The following BTG4 variants were observed in gnomAD, a reference collection of about 807,000 sequenced individuals.
BTG4 encodes the protein protein BTG4.
In BTG4, 10 loss-of-function variants were observed where a neutral mutation model predicts 19.3. That is an observed-to-expected ratio of 0.52 (90% CI 0.32 to 0.88). The LOEUF is 0.88. BTG4 is among the 40% of genes least tolerant of loss of function. BTG4 has a pLI of 0.04. For synonymous variants in BTG4, 91 were observed against 95.7 expected, an observed-to-expected ratio of 0.95 and a Z score of 0.29; for missense variants, 238 against 281.9, an observed-to-expected ratio of 0.84 and a Z score of 1.11.
rs1232973980 is a variant in BTG4, at chr11:111,497,995, C to T, written c.311+3G>A. ...ACAGCACACAAACTATGAGATTACT[C>T]ACCTACAGCATACTTCAAAGGGATC... On this transcript the variant is annotated splice_donor_region_variant and intron_variant, in intron 3 of 4. Coordinates refer to ENST00000692032, the MANE Select transcript of BTG4 (RefSeq NM_001367975.1). 1 of 1,613,242 alleles carries T rather than the reference C, an allele frequency of 6.2e-7. No homozygotes were observed. Among genetic ancestry groups the T allele is most frequent in the African/African-American group, 1.3e-5 (1 of 74,886 alleles).
the BTG4 span, chr11:111,416,249 T>C: frequency 6.6e-6 from 1 of 152,014 alleles, no homozygotes; most frequent in East Asian, 1.9e-4. Context: ...TTTCAGGGCC[T>C]TCATCAGTTC....
At chr11:111,508,206 C>T (rs1369484611) in intron 1 of BTG4, among the ~76,000 whole-genome samples, 1 of 152,212 alleles carries the variant, frequency 6.6e-6, no homozygotes, top group Non-Finnish European at 1.5e-5. Context: ...ATATTTTCTA[C>T]ATCACCTCGT....
chr11:111,424,030 A>G, the BTG4 span, among the ~76,000 whole-genome samples: 1 of 152,316 alleles, frequency 6.6e-6, no homozygotes. Context: ...CAGAAGCCTC[A>G]TGGAGGAGCA....
At chr11:111,442,538 ACACACACC>A in the BTG4 span, among the ~76,000 whole-genome samples, 40 of 151,112 alleles carry the variant, frequency 2.6e-4, no homozygotes, top group African/African-American at 6.8e-4. Context: ...ACACACACAC[ACACACACC>A]AGATGAGCCT....
chr11:111,432,505 A>C, the BTG4 span, among the ~76,000 whole-genome samples: 1 of 152,122 alleles, frequency 6.6e-6, no homozygotes, highest in African/African-American at 2.4e-5. Flanking sequence ...TTAGCTGGGC[A>C]TGGTGGTGGG....
intron 5 of BTG4, among the ~76,000 whole-genome samples, chr11:111,486,789 C>T (rs1865089237): frequency 6.6e-6 from 1 of 151,996 alleles, no homozygotes; most frequent in Non-Finnish European, 1.5e-5. Context: ...AAGACAAAAC[C>T]ACATGCTTTT....
intron 5 of BTG4, among the ~76,000 whole-genome samples, chr11:111,470,661 AAT>A (rs1864005019): frequency 6.6e-6 from 1 of 152,188 alleles, no homozygotes; most frequent in Non-Finnish European, 1.5e-5. Context: ...TTACACCTGT[AAT>A]CTCTGCACTT....
the BTG4 span, among the ~76,000 whole-genome samples, chr11:111,384,316 TA>T: frequency 7.6e-4 from 111 of 146,804 alleles, no homozygotes; most frequent in African/African-American, 1.3e-3. Context: ...TTCCTAAAAT[TA>T]AAAAAAAAAG....
the BTG4 span, chr11:111,414,945 G>A: frequency 1.3e-5 from 2 of 152,240 alleles, no homozygotes; most frequent in African/African-American, 4.8e-5. Flanking sequence ...AAATTTGCAG[G>A]TCTTTGGGGA....
At chr11:111,497,538 A>T in intron 3 of BTG4, 129 bp from the exon 4 acceptor site, 2 of 513,704 alleles carry the variant, frequency 3.9e-6, no homozygotes, top group Non-Finnish European at 6.4e-6. Flanking sequence ...GGACATTATG[A>T]CCTTCACCTA....
intron 1 of BTG4, among the ~76,000 whole-genome samples, chr11:111,509,654 T>C (rs1361356314): frequency 3.3e-5 from 5 of 151,494 alleles, no homozygotes; most frequent in Non-Finnish European, 7.4e-5. Flanking sequence ...CAAGATCACG[T>C]CACTGCACTC....
the BTG4 span, among the ~76,000 whole-genome samples, chr11:111,441,289 G>A: frequency 1.3e-5 from 2 of 151,988 alleles, no homozygotes; most frequent in African/African-American, 4.8e-5. Context: ...TGGGGAGTAG[G>A]GGAGAGAACA....
chr11:111,497,215 T>C lies in BTG4; in HGVS notation c.506A>G (p.Tyr169Cys). 6.2e-7 allele frequency: 1 copy of C among 1,613,048 alleles called. No individual in the cohort carries two copies. Among genetic ancestry groups the C allele is most frequent in the Non-Finnish European group, 8.5e-7 (1 of 1,179,332 alleles). ...IPKVSNPKSI[Y>C]QVENLKQPFQ... ...AAGAACTGGAACACTCTTGACCTGA[T>C]AAATACTCTTCGGATTGCTGACTTT... is the stretch of plus-strand genomic sequence containing the variant. Residue 169 changes from tyrosine to cysteine, a missense_variant, in exon 4 of 5, where the codon TAT becomes TGT. Coordinates refer to ENST00000692032, the MANE Select transcript of BTG4 (RefSeq NM_001367975.1).
At chr11:111,451,221 G>A in the BTG4 span, 9 of 302,326 alleles carry the variant, frequency 3.0e-5, no homozygotes, top group Non-Finnish European at 6.3e-5. Flanking sequence ...CAAAGGCAAC[G>A]TATTCCCTCC....
At chr11:111,398,787 GT>G in the BTG4 span, among the ~76,000 whole-genome samples, 37 of 144,524 alleles carry the variant, frequency 2.6e-4, no homozygotes, top group Non-Finnish European at 1.8e-4. Flanking sequence ...TTTTGTTTTT[GT>G]TTTTTTTTTT....
the BTG4 span, among the ~76,000 whole-genome samples, chr11:111,391,841 G>C: frequency 1.3e-5 from 2 of 152,146 alleles, no homozygotes; most frequent in Non-Finnish European, 2.9e-5. Flanking sequence ...GGAGGTTAGA[G>C]AGAGTCTTTC....
the BTG4 span, chr11:111,417,935 G>A: frequency 2.0e-5 from 3 of 152,330 alleles, no homozygotes; most frequent in African/African-American, 4.8e-5. Flanking sequence ...TTTCCTCTCT[G>A]TGGGAAACAG....
At position 111,502,077 on chromosome 11, in the gene BTG4, T is replaced by C. The variant is rs995220123; in HGVS notation, c.-26-3275A>G. Among the ~76,000 whole-genome samples the C allele has an allele frequency of 2.0e-5, 3 of 152,280 alleles. No homozygotes were observed. The East Asian group carries it at 5.8e-4, about 29-fold the overall frequency. ...CTGGGGTACCTAAACTGTTGCACTTTGGAATCACCTGAAGATCTTTTAAAA... is the reference window on the plus strand; with the variant it reads ...CTGGGGTACCTAAACTGTTGCACTTCGGAATCACCTGAAGATCTTTTAAAA... On this transcript the variant is annotated intron_variant, in intron 1 of 4. Coordinates refer to ENST00000692032, the MANE Select transcript of BTG4 (RefSeq NM_001367975.1).
chr11:111,511,953 C>G, intron 1 of BTG4, among the ~76,000 whole-genome samples: 1 of 152,136 alleles, frequency 6.6e-6, no homozygotes, highest in East Asian at 1.9e-4. Context: ...ATGGTATGGC[C>G]TTGATCTCAA....
Sources: gnomAD v4.1 joint callset for allele counts (sites outside exome capture counted in the v4.1 genomes callset) on GRCh38, gnomAD v4.1.1 for gene constraint, MANE v1.5 for transcripts, NCBI Gene and HGNC (gene_info 2026-07-23, HGNC 2026-07-21) for gene names.